The following CYP2S1 variants were observed in gnomAD, a reference collection of about 807,000 sequenced individuals.
CYP2S1 encodes the protein cytochrome P450 2S1.
CYP2S1 carries 32 observed loss-of-function variants against 43.5 expected under a neutral mutation model. That is an observed-to-expected ratio of 0.74 (90% CI 0.56 to 0.99). CYP2S1 has a LOEUF of 0.99. Among genes scored for constraint, CYP2S1 ranks in the 50% least tolerant of loss-of-function variants. The probability of loss-of-function intolerance (pLI) is 0.00; values close to 1 mark genes in which losing one functional copy is unlikely to be tolerated. For synonymous variants in CYP2S1, 283 were observed against 302.9 expected (o/e 0.93, Z 0.68); for missense variants, 575 against 673.9 (o/e 0.85, Z 1.62).
At chr19:41,197,980 T>A in intron 3 of CYP2S1, 52 bp downstream of exon 3, 1 of 1,549,662 alleles carries the variant, frequency 6.5e-7, no homozygotes, top group South Asian at 1.2e-5. Context: ...AAGGGAAAAC[T>A]CTCCTACTGT....
chr19:41,203,403 C>T (rs1382364746), intron 6 of CYP2S1, 47 bp from the exon 7 acceptor site: 1 of 1,517,182 alleles, frequency 6.6e-7, no homozygotes, highest in South Asian at 1.3e-5. Flanking sequence ...AGAGGAGGAT[C>T]CCTGGGCCCT....
chr19:41,198,987 C>T lies in CYP2S1; in HGVS notation c.834+99C>T, dbSNP rs2033453770. On this transcript the variant is annotated intron_variant, in intron 5 of 8. Coordinates refer to ENST00000310054, the MANE Select transcript of CYP2S1 (RefSeq NM_030622.8). This position sits in a 1 kb window ranked among gnomAD's most constrained non-coding sequence, Gnocchi z 4.9. ...GGGGACCTCAATTGGGTTCCTCTCT[C>T]TTTCTCTCTCTGCATGTCTCTGTGA... 1.5e-6 allele frequency: 2 copies of T among 1,374,126 alleles called. No individual in the cohort carries two copies. Among genetic ancestry groups the T allele is most frequent in the South Asian group, 2.8e-5 (2 of 72,086 alleles). The allele number at this position is 1,374,126 out of a possible 1,614,324, so 85.1% of individuals were successfully genotyped here.
chr19:41,205,342 T>TCTTTC (rs1555727532), intron 7 of CYP2S1, among the ~76,000 whole-genome samples: 6 of 111,656 alleles, frequency 5.4e-5, no homozygotes, highest in Admixed American at 5.0e-4. Context: ...TTCTTTCTTT[T>TCTTTC]TTTCTTTCTT....
At chr19:41,201,132 A>G (rs1455125269) in intron 5 of CYP2S1, 99 bp from the exon 6 acceptor site, 1 of 1,480,624 alleles carries the variant, frequency 6.8e-7, no homozygotes, top group East Asian at 2.3e-5. Context: ...ACCCCGTGAC[A>G]AAACTTTAAC....
At position 41,198,736 on chromosome 19, in the gene CYP2S1, C is replaced by T. The variant is rs199683564; in HGVS notation, c.682C>T (p.Arg228Trp). 89 of 1,614,008 alleles carry T rather than the reference C, an allele frequency of 5.5e-5. 1 individual carries two copies. Among genetic ancestry groups the T allele is most frequent in the Middle Eastern group, 1.6e-4 (1 of 6,084 alleles). The change falls in exon 5 of 9, where the codon CGG (arginine) becomes TGG (tryptophan). Residue 228 changes from arginine (R) to tryptophan (W), a missense_variant. Arg to Trp is a moderately radical substitution (Grantham distance 101). Around this residue, in one of 2 missense-constraint regions of CYP2S1, gnomAD observed 353 missense variants for 367.6 expected, o/e 0.96. Coordinates refer to ENST00000310054, the MANE Select transcript of CYP2S1 (RefSeq NM_030622.8). The surrounding 1 kb of genome is among the most constrained non-coding windows in gnomAD (Gnocchi z 4.9). Reference sequence around the variant, plus strand: ...CTACGAGATGTTCTCCTGGTTCCTGCGGCCCCTGCCAGGCCCCCACAAGCA... The same window carrying T: ...CTACGAGATGTTCTCCTGGTTCCTGTGGCCCCTGCCAGGCCCCCACAAGCA... ...QTYEMFSWFL[R>W]PLPGPHKQLL...
intron 2 of CYP2S1, among the ~76,000 whole-genome samples, chr19:41,195,976 A>G (rs1035317135): frequency 6.6e-6 from 1 of 152,060 alleles, no homozygotes; most frequent in Non-Finnish European, 1.5e-5. Flanking sequence ...GTCCTCTCCT[A>G]CTGTGGGAGA....
chr19:41,205,409 T>G (rs1465835302), intron 7 of CYP2S1, among the ~76,000 whole-genome samples: 1 of 107,906 alleles, frequency 9.3e-6, no homozygotes, highest in African/African-American at 5.5e-5. Flanking sequence ...TCTCTCTTTC[T>G]TTCTTTCTTT....
Position 41,198,425 on chromosome 19 carries a change from C to T in CYP2S1, c.494-37C>T, listed in dbSNP as rs1363261285. On this transcript the variant is annotated intron_variant, in intron 3 of 8. Coordinates refer to ENST00000310054, the MANE Select transcript of CYP2S1 (RefSeq NM_030622.8). The surrounding 1 kb of genome is among the most constrained non-coding windows in gnomAD (Gnocchi z 4.9). ...CCAACCTGCTCCCCTCTGCCTGGCT[C>T]CATCACAGCCTACCTCCCTGCCCCC... 1.9e-6 allele frequency: 3 copies of T among 1,607,826 alleles called. No individual in the cohort carries two copies. Among genetic ancestry groups the T allele is most frequent in the Non-Finnish European group, 1.7e-6 (2 of 1,177,134 alleles).
chr19:41,193,500 G>T (rs1030842768), intron 1 of CYP2S1, 59 bp downstream of exon 1: 1 of 1,388,668 alleles, frequency 7.2e-7, no homozygotes, highest in Admixed American at 3.3e-5. Flanking sequence ...AGAGAAACCC[G>T]AGTGCCAGGG....
intron 5 of CYP2S1, among the ~76,000 whole-genome samples, chr19:41,200,017 A>T (rs1169692693): frequency 6.6e-6 from 1 of 151,934 alleles, no homozygotes; most frequent in Non-Finnish European, 1.5e-5. Context: ...ATGCCCTATA[A>T]GTAAACTAGA....
chr19:41,202,829 G>A (rs1041453829), intron 6 of CYP2S1, among the ~76,000 whole-genome samples: 8 of 151,282 alleles, frequency 5.3e-5, no homozygotes, highest in Non-Finnish European at 1.0e-4. Flanking sequence ...GGCCAGGTAC[G>A]GTGGCTCACA....
At position 41,194,663 on chromosome 19, in the gene CYP2S1, C is replaced by T. The variant is rs370561000; in HGVS notation, c.297C>T (p.Ser99=). 1.6e-5 allele frequency: 25 copies of T among 1,611,844 alleles called. No homozygotes were observed. Among genetic ancestry groups the T allele is most frequent in the Admixed American group, 8.4e-5 (5 of 59,552 alleles). The part of the protein sequence containing the change: ...EALGGQAEEF[S]GRGTVAMLEG... ...TGGGAGGTCAGGCTGAGGAGTTCAGCGGCCGGGGAACCGTAGCGATGCTGG... is the reference window on the plus strand; with the variant it reads ...TGGGAGGTCAGGCTGAGGAGTTCAGTGGCCGGGGAACCGTAGCGATGCTGG... The change falls in exon 2 of 9, where the codon AGC becomes AGT. Residue 99 remains serine (S), a synonymous_variant. Coordinates refer to ENST00000310054, the MANE Select transcript of CYP2S1 (RefSeq NM_030622.8).
chr19:41,206,270 TC>T lies in CYP2S1; in HGVS notation c.1307-8del. 6.2e-7 allele frequency: 1 copy of T among 1,609,590 alleles called. No individual in the cohort carries two copies. The highest frequency in any genetic ancestry group is 8.5e-7 in the Non-Finnish European group (1 of 1,177,766). On this transcript the variant is annotated splice_polypyrimidine_tract_variant and intron_variant, in intron 8 of 8. Transcript: ENST00000310054. ...TGACTCAGCCCTCTCTCTCTCTCTC[TC>T]CTCACCAGGGAAGCGTGTCTGCCTT...
intron 6 of CYP2S1, 100 bp downstream of exon 6, chr19:41,201,472 G>A (rs2033488796): frequency 6.8e-7 from 1 of 1,478,476 alleles, no homozygotes; most frequent in Non-Finnish European, 9.0e-7. Context: ...TTGGGAGGCT[G>A]AGGCGGGCTG....
intron 2 of CYP2S1, among the ~76,000 whole-genome samples, chr19:41,195,145 A>G (rs1182963406): frequency 2.0e-5 from 3 of 152,106 alleles, no homozygotes; most frequent in Non-Finnish European, 4.4e-5. Context: ...AGTGCCCATC[A>G]TGTAGGATTG....
intron 1 of CYP2S1, among the ~76,000 whole-genome samples, chr19:41,194,145 G>A (rs888908829): frequency 6.6e-6 from 1 of 152,088 alleles, no homozygotes; most frequent in Non-Finnish European, 1.5e-5. Context: ...GGGGAGAGAT[G>A]GGGCGGATAC....
At position 41,207,080 on chromosome 19, in the gene CYP2S1, G is replaced by A. The variant is rs1012162270; in HGVS notation, c.*592G>A. On this transcript the variant is annotated 3_prime_UTR_variant, in exon 9 of 9. Coordinates refer to ENST00000310054, the MANE Select transcript of CYP2S1 (RefSeq NM_030622.8). Reference sequence around the variant, plus strand: ...ACCACTTGTCCACACAGCTACCCACGTACGACATCGTCCTGGCTCCCCAGA... The same window carrying A: ...ACCACTTGTCCACACAGCTACCCACATACGACATCGTCCTGGCTCCCCAGA... 1 of 329,610 alleles carries A rather than the reference G, an allele frequency of 3.0e-6. No individual in the cohort carries two copies. Among genetic ancestry groups the A allele is most frequent in the East Asian group, 7.8e-5 (1 of 12,878 alleles). 20.4% of individuals were successfully genotyped at this position (329,610 alleles called of 1,614,324 possible). A position where few individuals can be genotyped will look rare whatever the true frequency, so the allele number is the denominator to read the frequency against.
chr19:41,193,389 T>C lies in CYP2S1; in HGVS notation c.125T>C (p.Leu42Pro). 1 of 1,528,608 alleles carries C rather than the reference T, an allele frequency of 6.5e-7. No individual in the cohort carries two copies. The highest frequency in any genetic ancestry group is 8.8e-7 in the Non-Finnish European group (1 of 1,136,270). 94.7% of individuals were successfully genotyped at this position (1,528,608 alleles called of 1,614,324 possible). The change falls in exon 1 of 9, where the codon CTG (leucine) becomes CCG (proline). Residue 42 changes from leucine (L) to proline (P), a missense_variant. Leu to Pro is a moderately conservative substitution (Grantham distance 98). Around this residue, in one of 2 missense-constraint regions of CYP2S1, gnomAD observed 353 missense variants for 367.6 expected, o/e 0.96. Transcript: ENST00000310054. ...LPPGPTPLPL[L>P]GNLLQLRPGA... is the part of the protein sequence containing the mutation. ...CCCGGGCCCACGCCGCTACCACTGCTGGGAAACCTCCTGCAGCTACGGCCC... is the reference window on the plus strand; with the variant it reads ...CCCGGGCCCACGCCGCTACCACTGCCGGGAAACCTCCTGCAGCTACGGCCC...
At chr19:41,205,358 C>CTTTCTT (rs1555727566) in intron 7 of CYP2S1, among the ~76,000 whole-genome samples, 3 of 99,424 alleles carry the variant, frequency 3.0e-5, no homozygotes, top group African/African-American at 8.8e-5. Flanking sequence ...TTCTTTCTTT[C>CTTTCTT]TTTCTTTCTT....
Sources: allele counts gnomAD v4.1 joint callset (sites outside exome capture counted in the v4.1 genomes callset), GRCh38; gene constraint gnomAD v4.1.1; regional missense constraint gnomAD v4.1.1; non-coding constraint Gnocchi (gnomAD v3.1); transcripts MANE v1.5; gene names NCBI Gene and HGNC (gene_info 2026-07-23, HGNC 2026-07-21).